The following KIF4A variants were observed in gnomAD, a reference collection of about 807,000 sequenced individuals.
The protein encoded by KIF4A is kinesin family member 4A, also known as chromosome-associated kinesin KIF4A.
A neutral mutation model predicts 105.9 loss-of-function variants in KIF4A; 7 were observed. That is an observed-to-expected ratio of 0.07 (90% CI 0.04 to 0.12). The LOEUF (loss-of-function observed/expected upper bound fraction) is 0.12. KIF4A is among the 10% of genes least tolerant of loss of function. The pLI, the probability that KIF4A is intolerant of heterozygous loss-of-function variation, is 1.00. For synonymous variants in KIF4A, 281 were observed against 331.3 expected (o/e 0.85, Z 1.65); for missense variants, 558 against 929.2 (o/e 0.60, Z 5.19).
chrX:70,361,095 G>A (rs1401830091), intron 15 of KIF4A, among the ~76,000 whole-genome samples: 3 of 112,836 alleles, frequency 2.7e-5, no homozygotes, highest in Non-Finnish European at 5.6e-5. Context: ...CGTGGTCACA[G>A]GTCCCGTGGG....
chrX:70,355,859 G>T (rs1223190917), intron 15 of KIF4A, among the ~76,000 whole-genome samples: 1 of 111,665 alleles, frequency 9.0e-6, no homozygotes, highest in Non-Finnish European at 1.9e-5. Flanking sequence ...GCTCTCATAC[G>T]TTTTCAGAGT....
intron 18 of KIF4A, among the ~76,000 whole-genome samples, chrX:70,378,887 C>T (rs1030990362): frequency 9.1e-6 from 1 of 110,217 alleles, no homozygotes; most frequent in Non-Finnish European, 1.9e-5. Flanking sequence ...GGCGCGGTGG[C>T]TCACACCTGT....
At chrX:70,354,179 A>C (rs947667560) in intron 15 of KIF4A, among the ~76,000 whole-genome samples, 1 of 112,966 alleles carries the variant, frequency 8.9e-6, no homozygotes, top group African/African-American at 3.2e-5. Flanking sequence ...AGTGGATGTC[A>C]CATGACTTGA....
intron 18 of KIF4A, among the ~76,000 whole-genome samples, chrX:70,380,642 A>G (rs1247131759): frequency 8.9e-6 from 1 of 112,062 alleles, no homozygotes; most frequent in Non-Finnish European, 1.9e-5. Flanking sequence ...CACTCTTGCC[A>G]TATCTATTCA....
At chrX:70,297,257 G>A in intron 4 of KIF4A, 69 bp downstream of exon 4, 2 of 962,117 alleles carry the variant, frequency 2.1e-6, no homozygotes, top group Non-Finnish European at 2.8e-6. Context: ...ATCCAAATCA[G>A]GTTTTTCCTG....
chrX:70,315,178 T>TAG (rs1429286834), intron 7 of KIF4A, among the ~76,000 whole-genome samples: 9 of 111,923 alleles, frequency 8.0e-5, no homozygotes, highest in African/African-American at 2.9e-4. Flanking sequence ...TATAGCTCTG[T>TAG]TCTAACAGGT....
intron 7 of KIF4A, among the ~76,000 whole-genome samples, chrX:70,312,485 CT>C (rs1202947391): frequency 9.0e-6 from 1 of 111,658 alleles, no homozygotes; most frequent in African/African-American, 3.3e-5. Flanking sequence ...CCTCCTCCAT[CT>C]TTCTTTACCC....
rs779916975 is a variant in KIF4A at position 70,339,381 on chromosome X, C to T, written c.1134-2418C>T. On this transcript the variant is annotated intron_variant, in intron 10 of 30. Transcript: ENST00000374403. ...ATTTTCCCCCTTTAGATAATTTAGT[C>T]TGGGTTTCCTGATTACATTTTATTC... Among the ~76,000 whole-genome samples, 2 of 111,578 alleles carry T rather than the reference C, an allele frequency of 1.8e-5. 1 individual carries two copies. Among genetic ancestry groups the T allele is most frequent in the South Asian group, 7.6e-4 (2 of 2,631 alleles).
At chrX:70,332,590 G>A (rs1050968663) in intron 9 of KIF4A, among the ~76,000 whole-genome samples, 2 of 111,908 alleles carry the variant, frequency 1.8e-5, no homozygotes, top group African/African-American at 6.5e-5. Flanking sequence ...GAGATAGGAA[G>A]TGGGGTTGGG....
chrX:70,349,944 GA>G (rs2086020163), intron 13 of KIF4A, among the ~76,000 whole-genome samples: 2 of 81,449 alleles, frequency 2.5e-5, no homozygotes, highest in East Asian at 4.6e-4. Context: ...CGGCCGGGCA[GA>G]GGCGCTCCTC....
chrX:70,341,784 T>C lies in KIF4A; in HGVS notation c.1134-15T>C, dbSNP rs1365065325. On this transcript the variant is annotated splice_polypyrimidine_tract_variant and intron_variant, in intron 10 of 30. Coordinates refer to ENST00000374403, the MANE Select transcript of KIF4A (RefSeq NM_012310.5). ...AATCAGATATTTTTCTAATATGTTATTTACTTTGTTTTAGTGTGGAACCAT... is the reference window on the plus strand; with the variant it reads ...AATCAGATATTTTTCTAATATGTTACTTACTTTGTTTTAGTGTGGAACCAT... 8.3e-7 allele frequency: 1 copy of C among 1,198,222 alleles called. No homozygotes were observed. The highest frequency in any genetic ancestry group is 1.1e-6 in the Non-Finnish European group (1 of 886,177).
intron 28 of KIF4A, among the ~76,000 whole-genome samples, chrX:70,407,839 G>A (rs140832371): frequency 2.7e-4 from 30 of 112,059 alleles, no homozygotes; most frequent in Non-Finnish European, 4.9e-4. Flanking sequence ...AGGCCAAGGC[G>A]GGCAGATCAC....
rs756802370 is a variant in KIF4A at position 70,358,169 on chromosome X, C to T, written c.1674+4362C>T. ...TAGTGATCCTCCCAGCCTCCCAGTCCTAAAGTGCTGGGATTACAGGTATGT... is the reference window on the plus strand; with the variant it reads ...TAGTGATCCTCCCAGCCTCCCAGTCTTAAAGTGCTGGGATTACAGGTATGT... On this transcript the variant is annotated intron_variant, in intron 15 of 30. Transcript: ENST00000374403. 1.4e-4 allele frequency among the ~76,000 whole-genome samples: 16 copies of T among 111,534 alleles called. No individual in the cohort carries two copies. In the South Asian group the frequency reaches 5.7e-3, roughly 40 times the overall value.
At chrX:70,409,759 T>G (rs1016888943) in intron 28 of KIF4A, among the ~76,000 whole-genome samples, 2 of 100,932 alleles carry the variant, frequency 2.0e-5, no homozygotes, top group African/African-American at 7.5e-5. Flanking sequence ...ATCACACCAC[T>G]GTACTCTAGC....
In KIF4A at chrX:70,383,013, C is replaced by T. The variant is rs772118434; in HGVS notation, c.2035-3605C>T. Among the ~76,000 whole-genome samples, 10 of 109,960 alleles carry T rather than the reference C, an allele frequency of 9.1e-5. No individual in the cohort carries two copies. The East Asian group carries it at 2.6e-3, about 28-fold the overall frequency. On this transcript the variant is annotated intron_variant, in intron 18 of 30. Transcript: ENST00000374403. ...CAGCCTGACCAACACGGAGAAACCC[C>T]GTCTCCACTAAAAATGCAAAAAAAG...
intron 20 of KIF4A, among the ~76,000 whole-genome samples, chrX:70,388,407 C>A (rs181183975): frequency 4.0e-4 from 45 of 111,409 alleles, no homozygotes; most frequent in Non-Finnish European, 1.1e-4. Flanking sequence ...GAGTAGATAG[C>A]TAGGAGTAAA....
intron 11 of KIF4A, among the ~76,000 whole-genome samples, chrX:70,343,263 C>T (rs917107100): frequency 9.0e-6 from 1 of 111,292 alleles, no homozygotes; most frequent in Non-Finnish European, 1.9e-5. Flanking sequence ...TAGGGAACAG[C>T]GTAGTGTAGG....
At chrX:70,390,734 G>A (rs984915475) in intron 20 of KIF4A, among the ~76,000 whole-genome samples, 1 of 111,626 alleles carries the variant, frequency 9.0e-6, no homozygotes, top group African/African-American at 3.3e-5. Flanking sequence ...ATACAGAATA[G>A]TTCTCTTATC....
At chrX:70,419,530 G>T (rs983924715) in intron 29 of KIF4A, 131 bp from the exon 30 acceptor site, 3 of 747,163 alleles carry the variant, frequency 4.0e-6, no homozygotes, top group Non-Finnish European at 4.1e-6. Context: ...CCCAAGCAGG[G>T]CCTCCCTAAG....
Sources: allele counts gnomAD v4.1 joint callset (sites outside exome capture counted in the v4.1 genomes callset), GRCh38; gene constraint gnomAD v4.1.1; transcripts MANE v1.5; gene names NCBI Gene and HGNC (gene_info 2026-07-23, HGNC 2026-07-21).